Variants in RIPK3 observed in about 807,000 individuals in gnomAD.
RIPK3 encodes receptor-interacting serine/threonine-protein kinase 3.
Under a neutral mutation model 51.6 loss-of-function variants are expected in RIPK3, and 51 were observed. The ratio of observed to expected loss-of-function variants is 0.99; its 90% CI spans 0.79 to 1.25. The LOEUF is 1.25. RIPK3 is among the 50% of genes most tolerant of loss of function. RIPK3 has a pLI of 0.00. For synonymous variants in RIPK3, 246 were observed against 257.7 expected, an observed-to-expected ratio of 0.95 and a Z score of 0.44; for missense variants, 654 against 650.4, an observed-to-expected ratio of 1.01 and a Z score of -0.06.
Position 24,336,395 on chromosome 14 carries a change from C to A in RIPK3, c.1337G>T (p.Gly446Val). Residue 446 changes from glycine to valine, a missense_variant and splice_region_variant, in exon 10 of 10, where the codon GGG becomes GTG. Coordinates refer to ENST00000216274, the MANE Select transcript of RIPK3 (RefSeq NM_006871.4). Reference protein sequence around the residue: ...CRTPEPNPVTGRPLVNIYNCS... With the variant: ...CRTPEPNPVTVRPLVNIYNCS... Reference sequence around the variant, plus strand: ...GTTGTATATGTTAACGAGCGGTCGCCCTTTAAGAGAAATAGTGATGGTGGC... The same window carrying A: ...GTTGTATATGTTAACGAGCGGTCGCACTTTAAGAGAAATAGTGATGGTGGC... The A allele has an allele frequency of 6.2e-7, 1 of 1,612,458 alleles. No homozygotes were observed. The highest frequency in any genetic ancestry group is 1.3e-5 in the African/African-American group (1 of 75,020).
chr14:24,339,305 C>T lies in RIPK3; in HGVS notation c.181G>A (p.Val61Ile). 1 of 1,612,246 alleles carries T rather than the reference C, an allele frequency of 6.2e-7. No individual in the cohort carries two copies. The highest frequency in any genetic ancestry group is 2.2e-5 in the East Asian group (1 of 44,828). Residue 61 changes from valine to isoleucine, a missense_variant, in exon 3 of 10, where the codon GTC (valine) becomes ATC (isoleucine). Physicochemically the swap from Val to Ile is conservative, Grantham distance 29. Coordinates refer to ENST00000216274, the MANE Select transcript of RIPK3 (RefSeq NM_006871.4). This position sits in a 1 kb window ranked among gnomAD's most constrained non-coding sequence, Gnocchi z 4.0. ...TTATCCAGACTTGCCATGGCCTTGA[C>T]CTCCCTGGATATCGCCTTCCTACAC... ...IVNSKAISRE[V>I]KAMASLDNEF...
chr14:24,337,840 C>A, intron 6 of RIPK3, 33 bp downstream of exon 6: 1 of 1,613,482 alleles, frequency 6.2e-7, no homozygotes. Flanking sequence ...CAGACCCAAG[C>A]TTATCCTAGA....
In RIPK3 at chr14:24,339,059, G is replaced by C. The variant is rs1451912917; in HGVS notation, c.427C>G (p.Leu143Val). ...TCCAGCAGGACGTTGGATGGCTTGA[G>C]GTCCCGGTGCAGGAGCACCGGGTTC... is the stretch of plus-strand genomic sequence containing the variant. The part of the protein sequence containing the change: ...DQNPVLLHRD[L>V]KPSNVLLDPE... The change falls in exon 3 of 10, where the codon CTC (leucine) becomes GTC (valine). Residue 143 changes from leucine to valine, a missense_variant. Physicochemically the swap from Leu to Val is conservative, Grantham distance 32. Transcript: ENST00000216274. The surrounding 1 kb of genome is among the most constrained non-coding windows in gnomAD (Gnocchi z 4.0). 2 of 1,614,082 alleles carry C rather than the reference G, an allele frequency of 1.2e-6. No homozygotes were observed. Among genetic ancestry groups the C allele is most frequent in the Non-Finnish European group, 1.7e-6 (2 of 1,180,026 alleles).
rs768609703 is a variant in RIPK3 at position 24,336,702 on chromosome 14, G to T, written c.1336+183C>A. The T allele has an allele frequency of 3.4e-5, 24 of 711,366 alleles. No individual in the cohort carries two copies. The East Asian group carries it at 6.4e-4, about 19-fold the overall frequency. 44.1% of individuals were successfully genotyped at this position (711,366 alleles called of 1,614,324 possible). On this transcript the variant is annotated intron_variant, in intron 9 of 9. Coordinates refer to ENST00000216274, the MANE Select transcript of RIPK3 (RefSeq NM_006871.4). ...TTCAGGGACAAATCCAAGCTTTGTT[G>T]TGTGACCTCAGAGGGCTCCTTTCTC...
At chr14:24,337,009 A>G in intron 8 of RIPK3, 64 bp from the exon 9 acceptor site, 2 of 1,606,088 alleles carry the variant, frequency 1.2e-6, no homozygotes, top group Non-Finnish European at 1.7e-6. Context: ...CACTCCTCTC[A>G]GCCCCAAGTT....
chr14:24,338,475 T>A lies in RIPK3; in HGVS notation c.564A>T (p.Pro188=). ...TCCGGTTTACGTTAACAAACAGTTC[T>A]GGGGCCAAGTAGCCCAGGGTGCCCC... ...EPGGTLGYLA[P]ELFVNVNRKA... The change falls in exon 4 of 10, where the codon CCA becomes CCT. Residue 188 remains proline, a synonymous_variant. Coordinates refer to ENST00000216274, the MANE Select transcript of RIPK3 (RefSeq NM_006871.4). 6.2e-7 allele frequency: 1 copy of A among 1,613,962 alleles called. No homozygotes were observed. Among genetic ancestry groups the A allele is most frequent in the Non-Finnish European group, 8.5e-7 (1 of 1,179,840 alleles).
Position 24,338,224 on chromosome 14 carries a change from T to C in RIPK3, c.664+25A>G, listed in dbSNP as rs913728013. 5 of 1,531,256 alleles carry C rather than the reference T, an allele frequency of 3.3e-6. No homozygotes were observed. In the African/African-American group the frequency reaches 5.5e-5, roughly 17 times the overall value. 94.9% of individuals were successfully genotyped at this position (1,531,256 alleles called of 1,614,324 possible). ...AGAGAAGGGCACCTGGGGTTAAGGA[T>C]CCCAGAATCCTCCTAGAGTCTTACA... On this transcript the variant is annotated intron_variant, in intron 5 of 9. Coordinates refer to ENST00000216274, the MANE Select transcript of RIPK3 (RefSeq NM_006871.4).
rs1310448379 is a variant in RIPK3, at chr14:24,339,311, T to C, written c.175A>G (p.Arg59Gly). The change falls in exon 3 of 10, where the codon AGG (arginine) becomes GGG (glycine). Residue 59 changes from arginine (R) to glycine (G), a missense_variant. Arg to Gly is a moderately radical substitution (Grantham distance 125). Transcript: ENST00000216274. This position sits in a 1 kb window ranked among gnomAD's most constrained non-coding sequence, Gnocchi z 4.0. The part of the protein sequence containing the change: ...VKIVNSKAIS[R>G]EVKAMASLDN... Reference sequence around the variant, plus strand: ...AGACTTGCCATGGCCTTGACCTCCCTGGATATCGCCTTCCTACACTCCAGG... The same window carrying C: ...AGACTTGCCATGGCCTTGACCTCCCCGGATATCGCCTTCCTACACTCCAGG... 4 of 1,611,512 alleles carry C rather than the reference T, an allele frequency of 2.5e-6. No individual in the cohort carries two copies. The highest frequency in any genetic ancestry group is 1.7e-5 in the Admixed American group (1 of 59,978).
In RIPK3 at chr14:24,339,583, G is replaced by A; in HGVS notation, c.35C>T (p.Pro12Leu). Residue 12 changes from proline to leucine, a missense_variant, in exon 2 of 10, where the codon CCC becomes CTC. By Grantham distance (98) the Pro-to-Leu change is moderately conservative. Coordinates refer to ENST00000216274, the MANE Select transcript of RIPK3 (RefSeq NM_006871.4). This position sits in a 1 kb window ranked among gnomAD's most constrained non-coding sequence, Gnocchi z 4.0. ...TTCCTCGATGGACACCAAGGGGGCGGGGGCACCGCTGGGCCTGAGAGAGGG... is the reference window on the plus strand; with the variant it reads ...TTCCTCGATGGACACCAAGGGGGCGAGGGCACCGCTGGGCCTGAGAGAGGG... ...SCVKLWPSGA[P>L]APLVSIEELE... is the part of the protein sequence containing the mutation. 6.2e-7 allele frequency: 1 copy of A among 1,614,068 alleles called. No homozygotes were observed. Among genetic ancestry groups the A allele is most frequent in the Non-Finnish European group, 8.5e-7 (1 of 1,179,998 alleles).
rs765929505 is a variant in RIPK3, at chr14:24,337,883, G to A, written c.822C>T (p.Pro274=). The A allele has an allele frequency of 3.7e-6, 6 of 1,613,936 alleles. No homozygotes were observed. The South Asian group carries it at 4.4e-5, about 12-fold the overall frequency. The part of the protein sequence containing the change: ...LCWSSEPKDR[P]SFQECLPKTD... ...AACTGGCCAGCTCACCCTGGAAGGAGGGTCTGTCCTTGGGCTCACTGCTCC... is the reference window on the plus strand; with the variant it reads ...AACTGGCCAGCTCACCCTGGAAGGAAGGTCTGTCCTTGGGCTCACTGCTCC... Residue 274 remains proline (P), a synonymous_variant, in exon 6 of 10, where the codon CCC becomes CCT. Coordinates refer to ENST00000216274, the MANE Select transcript of RIPK3 (RefSeq NM_006871.4).
intron 3 of RIPK3, 106 bp from the exon 4 acceptor site, chr14:24,338,673 G>A (rs1344121555): frequency 1.4e-6 from 2 of 1,456,002 alleles, no homozygotes; most frequent in African/African-American, 2.8e-5. Context: ...TGTAAAGGGA[G>A]TGTGGAGGTC....
chr14:24,339,560 C>G lies in RIPK3; in HGVS notation c.58G>C (p.Glu20Gln). 2 of 1,614,210 alleles carry G rather than the reference C, an allele frequency of 1.2e-6. No individual in the cohort carries two copies. The highest frequency in any genetic ancestry group is 1.7e-6 in the Non-Finnish European group (2 of 1,180,022). The change falls in exon 2 of 10, where the codon GAA (glutamate) becomes CAA (glutamine). Residue 20 changes from glutamate to glutamine, a missense_variant. Transcript: ENST00000216274. This position sits in a 1 kb window ranked among gnomAD's most constrained non-coding sequence, Gnocchi z 4.0. ...GAPAPLVSIEELENQELVGKG... is the reference protein window; with the variant it reads ...GAPAPLVSIEQLENQELVGKG... ...CCGACGAGCTCCTGGTTCTCCAGTTCCTCGATGGACACCAAGGGGGCGGGG... is the reference window on the plus strand; with the variant it reads ...CCGACGAGCTCCTGGTTCTCCAGTTGCTCGATGGACACCAAGGGGGCGGGG...
At chr14:24,338,924 ACAGG>A in intron 3 of RIPK3, 87 bp downstream of exon 3, 1 of 1,050,720 alleles carries the variant, frequency 9.5e-7, no homozygotes, top group Non-Finnish European at 1.5e-6. Context: ...TATTCAATAG[ACAGG>A]GCTCTGGAGG....
In RIPK3 at chr14:24,336,870, G is replaced by T. The variant is rs1370033301; in HGVS notation, c.1336+15C>A. On this transcript the variant is annotated intron_variant, in intron 9 of 9. Transcript: ENST00000216274. Reference sequence around the variant, plus strand: ...AGAATTGAACAGGGAAAAGAAAGAGGTAGAGAATGGGTACCTGTTACTGGA... The same window carrying T: ...AGAATTGAACAGGGAAAAGAAAGAGTTAGAGAATGGGTACCTGTTACTGGA... 1 of 1,603,642 alleles carries T rather than the reference G, an allele frequency of 6.2e-7. No homozygotes were observed. The highest frequency in any genetic ancestry group is 1.1e-5 in the South Asian group (1 of 90,842).
intron 3 of RIPK3, 193 bp from the exon 4 acceptor site, chr14:24,338,760 T>C: frequency 1.2e-6 from 1 of 816,984 alleles, no homozygotes; most frequent in South Asian, 1.8e-5. Context: ...TCTCCAGGGC[T>C]GGGTCAGCCA....
intron 9 of RIPK3, 127 bp downstream of exon 9, chr14:24,336,758 G>T: frequency 1.1e-6 from 1 of 934,362 alleles, no homozygotes; most frequent in South Asian, 1.3e-5. Context: ...TTTATGAAAT[G>T]AGAAGGTTGA....
chr14:24,339,168 CA>C lies in RIPK3; in HGVS notation c.317del (p.Leu106ArgfsTer16), dbSNP rs771826933. ...GCCAGGGCCGAGGGCACTGGGACTG[CA>C]GCAGCCCCGACAAGGAGCCGTTCTC... Reference protein sequence around the residue: ...FMENGSLSGLLQSQCPRPWPL... With the variant: ...FMENGSLSGLXQSQCPRPWPL... On this transcript the variant is annotated frameshift_variant, in exon 3 of 10. Transcript: ENST00000216274. LOFTEE classifies it high-confidence loss of function. This position sits in a 1 kb window ranked among gnomAD's most constrained non-coding sequence, Gnocchi z 4.0. 3 of 1,614,152 alleles carry C rather than the reference CA, an allele frequency of 1.9e-6. No homozygotes were observed. The highest frequency in any genetic ancestry group is 2.7e-5 in the African/African-American group (2 of 74,954).
Position 24,336,032 on chromosome 14 carries a change from CCAT to C in RIPK3, c.*140_*142del, listed in dbSNP as rs1302779567. On this transcript the variant is annotated 3_prime_UTR_variant, in exon 10 of 10. Coordinates refer to ENST00000216274, the MANE Select transcript of RIPK3 (RefSeq NM_006871.4). ...GGCTGAGCTCAGACTGACTAGCATT[CCAT>C]CATGTTTATTGACTCCTGGGGGACA... 3.8e-6 allele frequency: 3 copies of C among 785,016 alleles called. No individual in the cohort carries two copies. The highest frequency in any genetic ancestry group is 5.9e-6 in the Non-Finnish European group (3 of 511,496). 48.6% of individuals were successfully genotyped at this position (785,016 alleles called of 1,614,324 possible).
Position 24,337,451 on chromosome 14 carries a change from A to C in RIPK3, c.910T>G (p.Phe304Val). ...MNAAVSTVKD[F>V]LSQLRSSNRR... ...TTGCTGCTCCTGAGCTGAGACAGGA[A>C]ATCCTTTACCTGCAGGGATGGGAGG... The change falls in exon 8 of 10, where the codon TTC becomes GTC. Residue 304 changes from phenylalanine to valine, a missense_variant. Physicochemically the swap from Phe to Val is conservative, Grantham distance 50. Transcript: ENST00000216274. The C allele has an allele frequency of 6.8e-6, 11 of 1,613,066 alleles. No individual in the cohort carries two copies. The highest frequency in any genetic ancestry group is 7.6e-6 in the Non-Finnish European group (9 of 1,179,250).
Sources: allele counts gnomAD v4.1 joint callset, GRCh38; gene constraint gnomAD v4.1.1; non-coding constraint Gnocchi (gnomAD v3.1); transcripts MANE v1.5; gene names NCBI Gene and HGNC (gene_info 2026-07-23, HGNC 2026-07-21).